Variants in TFAP2D observed in about 807,000 individuals in gnomAD.
TFAP2D encodes the protein transcription factor AP-2-delta.
Under a neutral mutation model 43.6 loss-of-function variants are expected in TFAP2D, and 9 were observed. The ratio of observed to expected loss-of-function variants is 0.21; its 90% confidence interval spans 0.12 to 0.36. The LOEUF (loss-of-function observed/expected upper bound fraction) is 0.36, where lower values mean the gene tolerates loss of function less well. Ranked by LOEUF, TFAP2D falls within the 10% of genes least tolerant of loss-of-function variation. The pLI is 1.00. For synonymous variants in TFAP2D, 256 were observed against 224.9 expected, an observed-to-expected ratio of 1.14 and a Z score of -1.24; for missense variants, 513 against 561.4, an observed-to-expected ratio of 0.91 and a Z score of 0.87.
At chr6:50,741,408 T>C (rs926248722) in intron 5 of TFAP2D, among the ~76,000 whole-genome samples, 2 of 152,194 alleles carry the variant, frequency 1.3e-5, no homozygotes, top group African/African-American at 4.8e-5. Context: ...CTAGTACCCA[T>C]TGGTTATTTT....
In TFAP2D at chr6:50,728,945, A is replaced by C; in HGVS notation, c.688A>C (p.Thr230Pro). 6.2e-7 allele frequency: 1 copy of C among 1,614,026 alleles called. No individual in the cohort carries two copies. Among genetic ancestry groups the C allele is most frequent in the Non-Finnish European group, 8.5e-7 (1 of 1,179,950 alleles). The change falls in exon 4 of 8, where the codon ACC (threonine) becomes CCC (proline). Residue 230 changes from threonine (T) to proline (P), a missense_variant. Thr to Pro is a conservative substitution (Grantham distance 38). Transcript: ENST00000008391. ...TAGTTCTACTTCCAAATACAAGGTG[A>C]CCATTGCTGAGGTAAAGAGGCGCCT... is the stretch of plus-strand genomic sequence containing the variant. Reference protein sequence around the residue: ...LLSSTSKYKVTIAEVKRRLSP... With the variant: ...LLSSTSKYKVPIAEVKRRLSP...
At chr6:50,738,563 C>A (rs1022351857) in intron 5 of TFAP2D, among the ~76,000 whole-genome samples, 4 of 152,084 alleles carry the variant, frequency 2.6e-5, no homozygotes, top group African/African-American at 9.7e-5. Context: ...TGTTTCATGG[C>A]CAAATGTATG....
At chr6:50,722,159 T>C (rs1581759262) in intron 3 of TFAP2D, among the ~76,000 whole-genome samples, 1 of 152,300 alleles carries the variant, frequency 6.6e-6, no homozygotes, top group Admixed American at 6.5e-5. Context: ...AGATAAAATA[T>C]TTGCCACTGC....
intron 5 of TFAP2D, among the ~76,000 whole-genome samples, chr6:50,739,218 C>A (rs1342799237): frequency 6.6e-6 from 1 of 152,110 alleles, no homozygotes; most frequent in Non-Finnish European, 1.5e-5. Context: ...CTATCCCTCT[C>A]CCCTACCCCC....
chr6:50,749,169 AG>A (rs1001181069), intron 6 of TFAP2D, among the ~76,000 whole-genome samples: 3 of 151,848 alleles, frequency 2.0e-5, no homozygotes, highest in African/African-American at 7.2e-5. Flanking sequence ...TAAATATAAA[AG>A]GGGGAGATAT....
chr6:50,746,067 C>T (rs771328135), intron 6 of TFAP2D, among the ~76,000 whole-genome samples: 5 of 152,090 alleles, frequency 3.3e-5, no homozygotes, highest in Non-Finnish European at 7.4e-5. Context: ...CTGGTAGTAA[C>T]CAATTCTTGT....
intron 7 of TFAP2D, among the ~76,000 whole-genome samples, chr6:50,766,443 GGT>G (rs1769442126): frequency 6.6e-6 from 1 of 151,878 alleles, no homozygotes; most frequent in African/African-American, 2.4e-5. Flanking sequence ...TCCATAGATT[GGT>G]TTTAGTATGG....
chr6:50,771,088 T>A (rs2113897394), intron 7 of TFAP2D, among the ~76,000 whole-genome samples: 1 of 152,364 alleles, frequency 6.6e-6, no homozygotes, highest in Non-Finnish European at 1.5e-5. Context: ...TTTGTCGTGG[T>A]TGGAAGAACT....
intron 7 of TFAP2D, among the ~76,000 whole-genome samples, chr6:50,770,786 G>C (rs542924102): frequency 1.7e-4 from 26 of 152,180 alleles, no homozygotes; most frequent in Non-Finnish European, 2.6e-4. Context: ...ATGAAGGGTG[G>C]TATATCTGAT....
intron 7 of TFAP2D, among the ~76,000 whole-genome samples, chr6:50,764,469 C>A (rs1277179218): frequency 1.3e-5 from 2 of 152,138 alleles, no homozygotes; most frequent in Non-Finnish European, 2.9e-5. Flanking sequence ...AACCAAGAAA[C>A]ATTTAGCTAT....
At chr6:50,760,477 G>A (rs1440061485) in intron 7 of TFAP2D, among the ~76,000 whole-genome samples, 5 of 151,946 alleles carry the variant, frequency 3.3e-5, no homozygotes, top group Non-Finnish European at 7.4e-5. Context: ...CTAGGGTTGA[G>A]AACCACCAAC....
chr6:50,755,962 G>A (rs1262210642), intron 7 of TFAP2D, among the ~76,000 whole-genome samples: 3 of 151,644 alleles, frequency 2.0e-5, no homozygotes, highest in Admixed American at 6.6e-5. Context: ...CATGTCTCAC[G>A]TACCCTAGAC....
At chr6:50,767,341 T>C (rs1581780072) in intron 7 of TFAP2D, among the ~76,000 whole-genome samples, 1 of 152,224 alleles carries the variant, frequency 6.6e-6, no homozygotes, top group Non-Finnish European at 1.5e-5. Context: ...GTCTTTATTA[T>C]GTTGAGGAAC....
At chr6:50,743,916 A>T (rs1769089625) in intron 5 of TFAP2D, among the ~76,000 whole-genome samples, 1 of 152,170 alleles carries the variant, frequency 6.6e-6, no homozygotes. Context: ...TATTGTTATG[A>T]CTATCATTTT....
At chr6:50,739,685 T>G (rs558682988) in intron 5 of TFAP2D, among the ~76,000 whole-genome samples, 1 of 152,312 alleles carries the variant, frequency 6.6e-6, no homozygotes, top group Non-Finnish European at 1.5e-5. Flanking sequence ...AACAAGTCTC[T>G]TTTGCTCTAG....
At chr6:50,724,938 A>T (rs1666465062) in intron 3 of TFAP2D, among the ~76,000 whole-genome samples, 1 of 151,834 alleles carries the variant, frequency 6.6e-6, no homozygotes, top group African/African-American at 2.4e-5. Flanking sequence ...AGGTGGGGAG[A>T]TAAGTAGAGC....
intron 3 of TFAP2D, among the ~76,000 whole-genome samples, chr6:50,722,487 T>G (rs559490874): frequency 1.3e-5 from 2 of 152,070 alleles, no homozygotes; most frequent in African/African-American, 4.8e-5. Context: ...TTTTAATCAT[T>G]AAAAAAAGAA....
chr6:50,721,602 A>G lies in TFAP2D; in HGVS notation c.598+2452A>G, dbSNP rs116539400. ...GTCATGGTAGTACACAGGACCCCTAATATCAACAGCTCAGACTACTTGTGT... is the reference window on the plus strand; with the variant it reads ...GTCATGGTAGTACACAGGACCCCTAGTATCAACAGCTCAGACTACTTGTGT... On this transcript the variant is annotated intron_variant, in intron 3 of 7. Transcript: ENST00000008391. 3.8e-3 allele frequency among the ~76,000 whole-genome samples: 583 copies of G among 152,348 alleles called. 4 individuals carry two copies. Among genetic ancestry groups the G allele is most frequent in the African/African-American group, 0.013 (560 of 41,570 alleles).
At chr6:50,756,597 G>A (rs1168920345) in intron 7 of TFAP2D, among the ~76,000 whole-genome samples, 4 of 151,998 alleles carry the variant, frequency 2.6e-5, no homozygotes, top group Non-Finnish European at 4.4e-5. Flanking sequence ...CGTATGCATA[G>A]CAGTGACCCT....
Sources: gnomAD v4.1 joint callset for allele counts (sites outside exome capture counted in the v4.1 genomes callset) on GRCh38, gnomAD v4.1.1 for gene constraint, MANE v1.5 for transcripts, NCBI Gene and HGNC (gene_info 2026-07-23, HGNC 2026-07-21) for gene names.